Variants in TTC21B observed in about 807,000 individuals in gnomAD.
TTC21B encodes tetratricopeptide repeat protein 21B.
A neutral mutation model predicts 175.1 loss-of-function variants in TTC21B; 127 were observed. That is an observed-to-expected ratio of 0.73 (90% CI 0.63 to 0.84). The LOEUF (loss-of-function observed/expected upper bound fraction) is 0.84, where lower values mean the gene tolerates loss of function less well. Among genes scored for constraint, TTC21B ranks in the 40% least tolerant of loss-of-function variants. TTC21B has a pLI of 0.00. For missense variants in TTC21B, 1,561 were observed against 1,558.3 expected (o/e 1.00, Z -0.03); for synonymous variants, 524 against 524.5 (o/e 1.00, Z 0.01).
chr2:165,934,998 C>T (rs896930769), intron 6 of TTC21B, among the ~76,000 whole-genome samples: 2 of 152,098 alleles, frequency 1.3e-5, no homozygotes, highest in Non-Finnish European at 2.9e-5. Context: ...AGGTGGTCAA[C>T]GTGAAATAAA....
chr2:165,901,729 T>C lies in TTC21B; in HGVS notation c.2750A>G (p.Asp917Gly). Residue 917 changes from aspartate to glycine, a missense_variant, in exon 20 of 29, where the codon GAT becomes GGT. Asp to Gly is a moderately conservative substitution (Grantham distance 94, BLOSUM62 -1). Transcript: ENST00000243344. ...YREALVHCET[D>G]NKIMLELARL... Reference sequence around the variant, plus strand: ...TTTTATAAAGGTACTGACCTTATTATCTGTTTCGCAGTGAACCAGAGCCTC... The same window carrying C: ...TTTTATAAAGGTACTGACCTTATTACCTGTTTCGCAGTGAACCAGAGCCTC... The C allele has an allele frequency of 1.2e-6, 2 of 1,613,816 alleles. No individual in the cohort carries two copies. Among genetic ancestry groups the C allele is most frequent in the Non-Finnish European group, 1.7e-6 (2 of 1,179,682 alleles).
chr2:165,901,945 A>T (rs751000980), intron 19 of TTC21B, 35 bp from the exon 20 acceptor site: 1 of 1,574,060 alleles, frequency 6.4e-7, no homozygotes, highest in South Asian at 1.1e-5. Flanking sequence ...AATAAAAAAA[A>T]AAAAGGAAAT....
rs759449574 is a variant in TTC21B, at chr2:165,919,386, T to C, written c.1564A>G (p.Asn522Asp). Reference protein sequence around the residue: ...FNNLQHCLEHNPSYADAHLLL... With the variant: ...FNNLQHCLEHDPSYADAHLLL... ...AGATGAGCATCAGCATAAGAGGGAT[T>C]GTGTTCTAAGCAGTGCTGAAGGTTA... is the stretch of plus-strand genomic sequence containing the variant. Residue 522 changes from asparagine to aspartate, a missense_variant, in exon 13 of 29, where the codon AAT (asparagine) becomes GAT (aspartate). Coordinates refer to ENST00000243344, the MANE Select transcript of TTC21B (RefSeq NM_024753.5). The C allele has an allele frequency of 2.5e-6, 4 of 1,613,930 alleles. No homozygotes were observed. In the African/African-American group the frequency reaches 4.0e-5, roughly 16 times the overall value.
At chr2:165,946,669 C>T (rs1324400874) in intron 3 of TTC21B, among the ~76,000 whole-genome samples, 1 of 151,970 alleles carries the variant, frequency 6.6e-6, no homozygotes, top group Non-Finnish European at 1.5e-5. Flanking sequence ...GAAACTCCAT[C>T]TAAAAATAAA....
intron 21 of TTC21B, among the ~76,000 whole-genome samples, chr2:165,899,488 C>G (rs1333401405): frequency 6.6e-6 from 1 of 152,064 alleles, no homozygotes; most frequent in African/African-American, 2.4e-5. Flanking sequence ...TATAGTGTTA[C>G]CACATGAACT....
intron 25 of TTC21B, 91 bp downstream of exon 25, chr2:165,888,188 A>G (rs1291624971): frequency 1.9e-6 from 2 of 1,049,826 alleles, no homozygotes; most frequent in African/African-American, 3.2e-5. Context: ...AATTAAGTCA[A>G]TCTTCAGAAA....
chr2:165,904,112 G>C (rs1054690120), intron 19 of TTC21B, among the ~76,000 whole-genome samples: 4 of 151,890 alleles, frequency 2.6e-5, no homozygotes, highest in Non-Finnish European at 5.9e-5. Context: ...ATGGTGACTG[G>C]GACTAATGAT....
intron 24 of TTC21B, among the ~76,000 whole-genome samples, 191 bp from the exon 25 acceptor site, chr2:165,888,665 C>T (rs1685089800): frequency 6.6e-6 from 1 of 152,132 alleles, no homozygotes; most frequent in Non-Finnish European, 1.5e-5. Flanking sequence ...AGTTACAATG[C>T]ATTTTAAACA....
In TTC21B at chr2:165,905,314, T is replaced by C. The variant is rs1194708108; in HGVS notation, c.2568+2364A>G. Among the ~76,000 whole-genome samples the C allele has an allele frequency of 7.2e-5, 11 of 152,162 alleles. No homozygotes were observed. The South Asian group carries it at 2.3e-3, about 32-fold the overall frequency. On this transcript the variant is annotated intron_variant, in intron 19 of 28. Coordinates refer to ENST00000243344, the MANE Select transcript of TTC21B (RefSeq NM_024753.5). The stretch of plus-strand genomic sequence containing the variant: ...ATTTAGAAAAAAACAGATTGTAAGA[T>C]GGCAAATCCAAATGCAAATATAATT...
intron 27 of TTC21B, among the ~76,000 whole-genome samples, chr2:165,877,352 C>T (rs1455705079): frequency 1.3e-5 from 2 of 152,198 alleles, no homozygotes; most frequent in Non-Finnish European, 2.9e-5. Flanking sequence ...CTAAAATTCA[C>T]ACTATTTTAT....
chr2:165,892,610 G>A (rs919057081), intron 22 of TTC21B, among the ~76,000 whole-genome samples: 2 of 152,158 alleles, frequency 1.3e-5, no homozygotes, highest in Non-Finnish European at 2.9e-5. Context: ...AGTGAAATAT[G>A]CCAGACACAA....
At chr2:165,937,645 A>C (rs1431125695) in intron 6 of TTC21B, among the ~76,000 whole-genome samples, 1 of 152,104 alleles carries the variant, frequency 6.6e-6, no homozygotes, top group Non-Finnish European at 1.5e-5. Flanking sequence ...CTATGTGAAT[A>C]GGTATAAAAT....
intron 1 of TTC21B, 196 bp from the exon 2 acceptor site, chr2:165,949,920 C>G (rs1192155499): frequency 1.9e-6 from 1 of 517,934 alleles, no homozygotes; most frequent in Non-Finnish European, 3.4e-6. Context: ...CATAAAATTA[C>G]TGAAATAATT....
intron 7 of TTC21B, 73 bp from the exon 8 acceptor site, chr2:165,931,929 T>C: frequency 1.0e-6 from 1 of 960,984 alleles, no homozygotes; most frequent in Non-Finnish European, 1.7e-6. Flanking sequence ...ACATACACAC[T>C]AACAAAGCAT....
At position 165,950,966 on chromosome 2, in the gene TTC21B, TAGA is replaced by T. The variant is rs755131480; in HGVS notation, c.22-1245_22-1243del. Among the ~76,000 whole-genome samples the T allele has an allele frequency of 8.6e-4, 131 of 152,190 alleles. 2 individuals carry two copies. Among genetic ancestry groups the T allele is most frequent in the Non-Finnish European group, 2.1e-4 (14 of 68,028 alleles). ...GAGGGCTATAGTCCATGTACTTCTC[TAGA>T]TCAGTTAGGCGACTGTTCTCTGTAA... On this transcript the variant is annotated intron_variant, in intron 1 of 28. Coordinates refer to ENST00000243344, the MANE Select transcript of TTC21B (RefSeq NM_024753.5).
chr2:165,911,173 G>C (rs1322904903), intron 18 of TTC21B, among the ~76,000 whole-genome samples, 154 bp downstream of exon 18: 1 of 151,904 alleles, frequency 6.6e-6, no homozygotes, highest in East Asian at 1.9e-4. Context: ...TCACATTTTA[G>C]TAGAGTGGCA....
At chr2:165,885,699 T>C (rs1684979050) in intron 25 of TTC21B, among the ~76,000 whole-genome samples, 1 of 152,228 alleles carries the variant, frequency 6.6e-6, no homozygotes, top group South Asian at 2.1e-4. Flanking sequence ...ATAACCTCTC[T>C]TACACTTTGA....
chr2:165,910,359 T>G (rs1443408778), intron 18 of TTC21B, among the ~76,000 whole-genome samples: 1 of 151,700 alleles, frequency 6.6e-6, no homozygotes, highest in African/African-American at 2.4e-5. Context: ...GCTGAGATCG[T>G]GCCATTGCAC....
At chr2:165,903,662 C>A (rs917952119) in intron 19 of TTC21B, among the ~76,000 whole-genome samples, 2 of 152,166 alleles carry the variant, frequency 1.3e-5, no homozygotes, top group African/African-American at 4.8e-5. Flanking sequence ...TTGGAAAAGT[C>A]TGAAATGTTT....
Sources: allele counts gnomAD v4.1 joint callset (sites outside exome capture counted in the v4.1 genomes callset), GRCh38; gene constraint gnomAD v4.1.1; transcripts MANE v1.5; gene names NCBI Gene and HGNC (gene_info 2026-07-23, HGNC 2026-07-21).